Variants in ZNF678 observed in about 807,000 individuals in gnomAD.
The protein encoded by ZNF678 is zinc finger protein 678.
A neutral mutation model predicts 3.0 loss-of-function variants in ZNF678; 5 were observed. The observed-to-expected ratio is 1.69, with a 90% CI of 0.88 to 3.56. The LOEUF is 3.56. Ranked by LOEUF, ZNF678 falls within the 30% of genes most tolerant of loss-of-function variation. The pLI is 0.00. For synonymous variants in ZNF678, 218 were observed against 199.6 expected, an observed-to-expected ratio of 1.09 and a Z score of -0.78; for missense variants, 593 against 605.0, an observed-to-expected ratio of 0.98 and a Z score of 0.21.
chr1:227,628,086 A>G (rs1033981114), intron 1 of ZNF678, among the ~76,000 whole-genome samples: 1 of 152,220 alleles, frequency 6.6e-6, no homozygotes, highest in Non-Finnish European at 1.5e-5. Context: ...AGCAGTGAGT[A>G]TGCCGTTCAC....
intron 1 of ZNF678, among the ~76,000 whole-genome samples, chr1:227,580,583 G>A (rs1657100747): frequency 6.6e-6 from 1 of 151,966 alleles, no homozygotes; most frequent in Admixed American, 6.6e-5. Context: ...TCTTTTATGA[G>A]GAATGAAAGT....
At chr1:227,583,113 G>A (rs73092607) in intron 1 of ZNF678, among the ~76,000 whole-genome samples, 2,531 of 151,862 alleles carry the variant, frequency 0.017, 58 homozygotes, top group South Asian at 0.057. Context: ...CCGTTGCTCT[G>A]ACTCCTTAGA....
intron 1 of ZNF678, among the ~76,000 whole-genome samples, chr1:227,611,289 C>T (rs116275378): frequency 6.6e-6 from 1 of 152,206 alleles, no homozygotes; most frequent in African/African-American, 2.4e-5. Context: ...TGAGAACCAA[C>T]CCTTGACCCA....
intron 1 of ZNF678, among the ~76,000 whole-genome samples, chr1:227,606,808 A>G (rs951007619): frequency 6.6e-6 from 1 of 152,192 alleles, no homozygotes; most frequent in Non-Finnish European, 1.5e-5. Context: ...CTGCAGACAT[A>G]TTGTTAACAA....
chr1:227,565,996 C>T (rs931073359), intron 1 of ZNF678, among the ~76,000 whole-genome samples: 11 of 152,106 alleles, frequency 7.2e-5, no homozygotes, highest in Non-Finnish European at 1.3e-4. Context: ...CTCCTGACCT[C>T]GTGATCCGCC....
In ZNF678 at chr1:227,654,345, C is replaced by G; in HGVS notation, c.95C>G (p.Ser32Cys). 2 of 1,538,920 alleles carry G rather than the reference C, an allele frequency of 1.3e-6. No homozygotes were observed. Among genetic ancestry groups the G allele is most frequent in the Non-Finnish European group, 8.7e-7 (1 of 1,148,428 alleles). ...TTTTTATTTCTTTCAGCTATTTTAT[C>G]TTATTCCATTCAAGACCTTTTGCCA... ...FYKLVYTAILSYSIQDLLPEQ... is the reference protein window; with the variant it reads ...FYKLVYTAILCYSIQDLLPEQ... Residue 32 changes from serine to cysteine, a missense_variant, in exon 4 of 4, where the codon TCT (serine) becomes TGT (cysteine). By Grantham distance (112) the Ser-to-Cys change is moderately radical. Coordinates refer to ENST00000343776, the MANE Select transcript of ZNF678 (RefSeq NM_001367909.1).
At chr1:227,670,786 A>G (rs1271827811) in intron 5 of ZNF678, among the ~76,000 whole-genome samples, 6 of 152,170 alleles carry the variant, frequency 3.9e-5, no homozygotes, top group Admixed American at 3.9e-4. Context: ...CCCTGTAGTC[A>G]GGATTTTTAA....
downstream of ZNF678, among the ~76,000 whole-genome samples, chr1:227,667,034 C>T (rs1199064652): frequency 6.6e-6 from 1 of 151,568 alleles, no homozygotes; most frequent in Non-Finnish European, 1.5e-5. Flanking sequence ...CGTGAGCTAC[C>T]GCACCCGGCC....
intron 1 of ZNF678, chr1:227,598,966 C>A: frequency 1.0e-6 from 1 of 1,001,826 alleles, no homozygotes; most frequent in South Asian, 1.3e-5. Flanking sequence ...TCATTTTTTT[C>A]TTCAAATTCA....
intron 5 of ZNF678, among the ~76,000 whole-genome samples, chr1:227,675,717 G>C (rs1216009339): frequency 6.6e-6 from 1 of 151,982 alleles, no homozygotes; most frequent in Non-Finnish European, 1.5e-5. Context: ...CATATCCTGG[G>C]GGGGTGGGGA....
intron 1 of ZNF678, among the ~76,000 whole-genome samples, chr1:227,644,024 C>T (rs1425012624): frequency 6.6e-6 from 1 of 151,828 alleles, no homozygotes; most frequent in Non-Finnish European, 1.5e-5. Flanking sequence ...CCATGACGCC[C>T]AGCTAATTTT....
intron 1 of ZNF678, among the ~76,000 whole-genome samples, chr1:227,601,043 C>A (rs1657724927): frequency 6.6e-6 from 1 of 152,116 alleles, no homozygotes; most frequent in African/African-American, 2.4e-5. Context: ...TTATTCATTG[C>A]ATGTTTTTTT....
At chr1:227,614,633 A>G (rs1004474676) in intron 1 of ZNF678, among the ~76,000 whole-genome samples, 10 of 152,216 alleles carry the variant, frequency 6.6e-5, no homozygotes, top group Non-Finnish European at 1.5e-4. Context: ...TTTGTATGAC[A>G]GAGATAAAGG....
intron 1 of ZNF678, among the ~76,000 whole-genome samples, chr1:227,622,159 C>T (rs1291941402): frequency 1.3e-5 from 2 of 152,190 alleles, no homozygotes; most frequent in Non-Finnish European, 2.9e-5. Flanking sequence ...ACCATCTATT[C>T]TCTCTGAAGC....
intron 1 of ZNF678, among the ~76,000 whole-genome samples, chr1:227,578,971 G>A (rs1264261758): frequency 6.6e-6 from 1 of 152,154 alleles, no homozygotes; most frequent in African/African-American, 2.4e-5. Flanking sequence ...GTGGTAAAAT[G>A]TGGATTCAGC....
intron 1 of ZNF678, among the ~76,000 whole-genome samples, chr1:227,641,368 A>T (rs1370073052): frequency 6.6e-6 from 1 of 152,138 alleles, no homozygotes; most frequent in Non-Finnish European, 1.5e-5. Flanking sequence ...TATATTTTTT[A>T]AAAAGATTCT....
At chr1:227,579,135 A>G (rs896332876) in intron 1 of ZNF678, among the ~76,000 whole-genome samples, 39 of 151,886 alleles carry the variant, frequency 2.6e-4, no homozygotes, top group African/African-American at 9.4e-4. Context: ...GTGGGGGGTG[A>G]GGTGCAGCAG....
chr1:227,666,531 C>A (rs916345811), downstream of ZNF678, among the ~76,000 whole-genome samples: 4 of 152,054 alleles, frequency 2.6e-5, no homozygotes, highest in African/African-American at 9.7e-5. Flanking sequence ...ATAAATTACA[C>A]AGGGTAGCCT....
intron 1 of ZNF678, among the ~76,000 whole-genome samples, chr1:227,617,428 A>G (rs1320318233): frequency 6.6e-6 from 1 of 152,218 alleles, no homozygotes; most frequent in Non-Finnish European, 1.5e-5. Flanking sequence ...CATGGGGAGT[A>G]CCTTATGAAC....
Sources: allele counts gnomAD v4.1 joint callset (sites outside exome capture counted in the v4.1 genomes callset), GRCh38; gene constraint gnomAD v4.1.1; transcripts MANE v1.5; gene names NCBI Gene and HGNC (gene_info 2026-07-23, HGNC 2026-07-21).